The following MIX23 variants were observed in gnomAD, a reference collection of about 807,000 sequenced individuals.
The protein encoded by MIX23 is protein MIX23.
MIX23 carries 13 observed loss-of-function variants against 21.6 expected under a neutral mutation model. The ratio of observed to expected loss-of-function variants is 0.60; its 90% CI spans 0.39 to 0.96. The LOEUF is 0.96. MIX23 is among the 40% of genes least tolerant of loss of function. The pLI, the probability that MIX23 is intolerant of heterozygous loss-of-function variation, is 0.00. For synonymous variants in MIX23, 59 were observed against 58.0 expected (o/e 1.02, Z -0.08); for missense variants, 144 against 171.2 (o/e 0.84, Z 0.89).
At chr3:122,369,895 G>T (rs915349025) in intron 2 of MIX23, among the ~76,000 whole-genome samples, 2 of 152,084 alleles carry the variant, frequency 1.3e-5, no homozygotes, top group African/African-American at 4.8e-5. Context: ...GACTATAGGC[G>T]CACACCACTA....
intron 4 of MIX23, 104 bp from the exon 5 acceptor site, chr3:122,360,023 G>A: frequency 8.8e-7 from 1 of 1,134,556 alleles, no homozygotes; most frequent in Non-Finnish European, 1.3e-6. Flanking sequence ...TACCATTTTT[G>A]TCCTAAGTCA....
chr3:122,375,771 C>T (rs901615329), intron 1 of MIX23, among the ~76,000 whole-genome samples: 1 of 152,144 alleles, frequency 6.6e-6, no homozygotes, highest in African/African-American at 2.4e-5. Context: ...AGTACAACCT[C>T]TATGGAATAT....
chr3:122,370,318 A>G (rs1267992725), intron 2 of MIX23, among the ~76,000 whole-genome samples: 1 of 151,960 alleles, frequency 6.6e-6, no homozygotes, highest in Non-Finnish European at 1.5e-5. Flanking sequence ...TCAGCCAGGC[A>G]TGGTAGCGTG....
intron 1 of MIX23, among the ~76,000 whole-genome samples, chr3:122,372,147 C>T (rs1326140605): frequency 1.5e-5 from 2 of 137,288 alleles, no homozygotes; most frequent in Non-Finnish European, 3.0e-5. Flanking sequence ...AAGTGTACTA[C>T]TAGTTTTTAT....
intron 4 of MIX23, among the ~76,000 whole-genome samples, chr3:122,361,204 T>A (rs562971395): frequency 4.6e-5 from 7 of 152,328 alleles, no homozygotes; most frequent in African/African-American, 1.7e-4. Flanking sequence ...TTCATTTTAT[T>A]AATATTCATT....
intron 1 of MIX23, among the ~76,000 whole-genome samples, chr3:122,375,524 C>T (rs1172781933): frequency 2.0e-5 from 3 of 152,044 alleles, no homozygotes; most frequent in African/African-American, 4.8e-5. Context: ...TCAAAATGAT[C>T]GGATTAGGGT....
chr3:122,362,402 G>A (rs2075364445), intron 4 of MIX23, among the ~76,000 whole-genome samples: 1 of 152,106 alleles, frequency 6.6e-6, no homozygotes, highest in Non-Finnish European at 1.5e-5. Context: ...AGGAGACATA[G>A]AGAATGTCTC....
rs879005909 is a variant in MIX23, at chr3:122,359,628, A to ATTTTT, written c.*236_*240dup. The ATTTTT allele has an allele frequency of 8.7e-4, 207 of 238,860 alleles. No homozygotes were observed. The highest frequency in any genetic ancestry group is 1.6e-3 in the Admixed American group (29 of 17,644). 14.8% of individuals were successfully genotyped at this position (238,860 alleles called of 1,614,324 possible). On this transcript the variant is annotated 3_prime_UTR_variant, in exon 5 of 5. Transcript: ENST00000291458. Reference sequence around the variant, plus strand: ...GAAAATTATTTTAATAGTTACAAAAATTTTTTTTTTTTTTTTTTACAGAAT... The same window carrying ATTTTT: ...GAAAATTATTTTAATAGTTACAAAAATTTTTTTTTTTTTTTTTTTTTTTACAGAAT...
chr3:122,362,845 G>A (rs148843842), intron 4 of MIX23, 123 bp downstream of exon 4: 49 of 465,646 alleles, frequency 1.1e-4, no homozygotes, highest in African/African-American at 1.0e-3. Flanking sequence ...AATTGTAAAT[G>A]TAAACGAGTG....
At chr3:122,372,916 C>A in intron 1 of MIX23, 1 of 329,034 alleles carries the variant, frequency 3.0e-6, no homozygotes, top group Non-Finnish European at 6.0e-6. Flanking sequence ...AGTTAATATT[C>A]AATATTAATA....
chr3:122,362,702 A>T (rs2075366500), intron 4 of MIX23, among the ~76,000 whole-genome samples: 1 of 152,086 alleles, frequency 6.6e-6, no homozygotes, highest in Non-Finnish European at 1.5e-5. Context: ...GGCCTCCCAA[A>T]GTGTTGGGAT....
intron 3 of MIX23, among the ~76,000 whole-genome samples, chr3:122,366,000 C>T (rs1041016678): frequency 2.6e-5 from 4 of 151,778 alleles, no homozygotes; most frequent in African/African-American, 9.7e-5. Flanking sequence ...ATGGTGAAAC[C>T]CTGTCTCTAC....
intron 1 of MIX23, among the ~76,000 whole-genome samples, chr3:122,377,289 T>C (rs969555713): frequency 5.3e-5 from 8 of 152,194 alleles, no homozygotes; most frequent in Non-Finnish European, 1.0e-4. Context: ...TTGAGATGCC[T>C]ATTAGATATC....
intron 3 of MIX23, among the ~76,000 whole-genome samples, chr3:122,363,508 T>C (rs1257667608): frequency 6.6e-6 from 1 of 151,752 alleles, no homozygotes; most frequent in Non-Finnish European, 1.5e-5. Flanking sequence ...GCAAGAATCA[T>C]AGGAAATGTA....
Position 122,371,701 on chromosome 3 carries a change from G to A in MIX23, c.151C>T (p.Gln51Ter). Reference protein sequence around the residue: ...ASFAGKIDASQTCKQLYESLM... With the variant: ...ASFAGKIDAS Reference sequence around the variant, plus strand: ...GACTCATAAAGTTGTTTACAGGTTTGGCTGGCATCAATTTTCCCTGCAAAG... The same window carrying A: ...GACTCATAAAGTTGTTTACAGGTTTAGCTGGCATCAATTTTCCCTGCAAAG... The change falls in exon 2 of 5, where the codon CAA becomes TAA. Residue 51 changes from glutamine (Q) to a stop codon, truncating the protein, a stop_gained. Coordinates refer to ENST00000291458, the MANE Select transcript of MIX23 (RefSeq NM_001017928.4). LOFTEE classifies it high-confidence loss of function. 6.2e-7 allele frequency: 1 copy of A among 1,612,318 alleles called. No individual in the cohort carries two copies. The highest frequency in any genetic ancestry group is 2.2e-5 in the East Asian group (1 of 44,860).
chr3:122,376,094 C>A (rs1284232829), intron 1 of MIX23, among the ~76,000 whole-genome samples: 6 of 134,988 alleles, frequency 4.4e-5, no homozygotes, highest in African/African-American at 1.7e-4. Context: ...ACAAGGGAGG[C>A]AGAGGTTGCA....
chr3:122,369,850 A>C (rs1018870594), intron 2 of MIX23, among the ~76,000 whole-genome samples: 1 of 152,192 alleles, frequency 6.6e-6, no homozygotes, highest in Non-Finnish European at 1.5e-5. Context: ...TCTGGGCTCA[A>C]GCAATCCTCC....
intron 3 of MIX23, among the ~76,000 whole-genome samples, chr3:122,363,428 C>T (rs6807375): frequency 0.6 from 90,208 of 151,540 alleles, 27,524 homozygotes; most frequent in East Asian, 0.69. Flanking sequence ...AGTGAAGGTA[C>T]GTGAAAAGAT....
chr3:122,382,783 C>A (rs1576242897), intron 1 of MIX23, among the ~76,000 whole-genome samples: 1 of 152,332 alleles, frequency 6.6e-6, no homozygotes, highest in Admixed American at 6.5e-5. Flanking sequence ...CTAAATAGCT[C>A]TTCTGCACCT....
Sources: allele counts gnomAD v4.1 joint callset (sites outside exome capture counted in the v4.1 genomes callset), GRCh38; gene constraint gnomAD v4.1.1; transcripts MANE v1.5; gene names NCBI Gene and HGNC (gene_info 2026-07-23, HGNC 2026-07-21).